SLC4A4: variants seen among roughly 807,000 people sequenced by gnomAD.
SLC4A4 encodes the protein solute carrier family 4 member 4.
A neutral mutation model predicts 111.5 loss-of-function variants in SLC4A4; 27 were observed. The observed-to-expected ratio is 0.24, with a 90% CI of 0.18 to 0.33. The LOEUF (loss-of-function observed/expected upper bound fraction) is 0.33, where lower values mean the gene tolerates loss of function less well. Ranked by LOEUF, SLC4A4 falls within the 10% of genes least tolerant of loss-of-function variation. SLC4A4 has a pLI of 1.00. For synonymous variants in SLC4A4, 443 were observed against 463.4 expected (o/e 0.96, Z 0.57); for missense variants, 909 against 1,315.5 (o/e 0.69, Z 4.78).
intron 2 of SLC4A4, among the ~76,000 whole-genome samples, chr4:71,164,143 G>A (rs1251047114): frequency 6.6e-6 from 1 of 152,136 alleles, no homozygotes; most frequent in Non-Finnish European, 1.5e-5. Flanking sequence ...CATTTTGGGA[G>A]GCCAAGGTGG....
chr4:71,405,692 G>A (rs762282695), intron 7 of SLC4A4, among the ~76,000 whole-genome samples: 15 of 152,128 alleles, frequency 9.9e-5, no homozygotes, highest in African/African-American at 1.4e-4. Context: ...TATTGAATCC[G>A]CCTCCACTGC....
chr4:71,487,135 C>A, intron 15 of SLC4A4, 117 bp downstream of exon 15: 1 of 632,862 alleles, frequency 1.6e-6, no homozygotes, highest in South Asian at 1.9e-5. Flanking sequence ...TGAACACATA[C>A]GTAACAATTA....
At chr4:71,415,417 T>C (rs993752776) in intron 7 of SLC4A4, among the ~76,000 whole-genome samples, 3 of 152,208 alleles carry the variant, frequency 2.0e-5, no homozygotes, top group African/African-American at 7.2e-5. Flanking sequence ...GACTATCTAC[T>C]ATACTATTTC....
At chr4:71,274,707 T>C (rs893649859) in intron 3 of SLC4A4, among the ~76,000 whole-genome samples, 1 of 152,136 alleles carries the variant, frequency 6.6e-6, no homozygotes, top group Non-Finnish European at 1.5e-5. Context: ...AGCTGTGCCT[T>C]TTACTAGCTC....
chr4:71,078,888 T>A (rs1449568409), intron 1 of SLC4A4, among the ~76,000 whole-genome samples: 1 of 151,960 alleles, frequency 6.6e-6, no homozygotes, highest in Non-Finnish European at 1.5e-5. Flanking sequence ...GCATGATCTC[T>A]GCTCACTGCA....
intron 7 of SLC4A4, among the ~76,000 whole-genome samples, chr4:71,433,160 C>T (rs892177416): frequency 6.6e-6 from 1 of 151,944 alleles, no homozygotes; most frequent in South Asian, 2.1e-4. Context: ...CAAAACCTCA[C>T]ACAACTTCCT....
chr4:71,451,435 A>G, intron 11 of SLC4A4, 134 bp downstream of exon 11: 1 of 719,546 alleles, frequency 1.4e-6, no homozygotes, highest in South Asian at 1.5e-5. Flanking sequence ...CCTATTTGTC[A>G]CAGGCACTGG....
intron 3 of SLC4A4, among the ~76,000 whole-genome samples, chr4:71,322,453 A>G (rs1346474396): frequency 6.6e-6 from 1 of 152,016 alleles, no homozygotes; most frequent in African/African-American, 2.4e-5. Flanking sequence ...TATTGGAGCT[A>G]TATATTTAGC....
rs73828137 is a variant in SLC4A4 at position 71,391,687 on chromosome 4, G to A, written c.731-5890G>A. Among the ~76,000 whole-genome samples, 1,167 of 152,022 alleles carry A rather than the reference G, an allele frequency of 7.7e-3. 15 individuals are homozygous for A. The highest frequency in any genetic ancestry group is 0.025 in the African/African-American group (1,027 of 41,522). ...AAATAGTGATATGGAAATTAATTAT[G>A]ATTATGCACTTGAGACTGGTTCTTC... On this transcript the variant is annotated intron_variant, in intron 6 of 25. Transcript: ENST00000264485.
chr4:71,253,439 A>G (rs1360769803), intron 2 of SLC4A4, among the ~76,000 whole-genome samples: 1 of 152,168 alleles, frequency 6.6e-6, no homozygotes, highest in African/African-American at 2.4e-5. Flanking sequence ...CATATTTAAT[A>G]AGGTGAATAG....
rs536994775 is a variant in SLC4A4 at position 71,547,768 on chromosome 4, T to C, written c.2694+48T>C. 25 of 1,441,692 alleles carry C rather than the reference T, an allele frequency of 1.7e-5. 1 individual carries two copies. In the South Asian group the frequency reaches 2.7e-4, roughly 16 times the overall value. 89.3% of individuals were successfully genotyped at this position (1,441,692 alleles called of 1,614,324 possible). ...TCTTCCTTCTCAGAACACTGACATA[T>C]AATTGGACATGTGAAGAGTGAAATT... is the stretch of plus-strand genomic sequence containing the variant. On this transcript the variant is annotated intron_variant, in intron 20 of 25. Transcript: ENST00000264485.
chr4:71,374,340 C>T (rs1578949544), intron 6 of SLC4A4, among the ~76,000 whole-genome samples: 1 of 152,276 alleles, frequency 6.6e-6, no homozygotes, highest in East Asian at 1.9e-4. Flanking sequence ...CCAAGTACAA[C>T]TTTAAAAATT....
At chr4:71,239,316 A>G (rs1720027187) in intron 2 of SLC4A4, among the ~76,000 whole-genome samples, 1 of 152,206 alleles carries the variant, frequency 6.6e-6, no homozygotes, top group African/African-American at 2.4e-5. Flanking sequence ...TGTACTCCCA[A>G]TAAGTGATTA....
Position 71,286,854 on chromosome 4 carries a change from TTC to T in SLC4A4, c.253+31463_253+31464del, listed in dbSNP as rs372659638. On this transcript the variant is annotated intron_variant, in intron 3 of 25. Transcript: ENST00000264485. Reference sequence around the variant, plus strand: ...ACTATGTTGTACATTCTGAAATTCATTCTCTCTCTGAATCTTTATAAAACACT... The same window carrying T: ...ACTATGTTGTACATTCTGAAATTCATTCTCTCTGAATCTTTATAAAACACT... Among the ~76,000 whole-genome samples the T allele has an allele frequency of 3.3e-5, 5 of 152,346 alleles. No individual in the cohort carries two copies. In the South Asian group the frequency reaches 8.3e-4, roughly 25 times the overall value.
At chr4:71,268,937 CCTAA>C (rs1179354893) in intron 3 of SLC4A4, among the ~76,000 whole-genome samples, 2 of 152,172 alleles carry the variant, frequency 1.3e-5, no homozygotes, top group African/African-American at 4.8e-5. Context: ...TACACAGAAC[CCTAA>C]CTGTTCCATA....
At chr4:71,371,187 A>G (rs1197744364) in intron 6 of SLC4A4, among the ~76,000 whole-genome samples, 1 of 150,036 alleles carries the variant, frequency 6.7e-6, no homozygotes, top group East Asian at 2.0e-4. Context: ...TTTGTCCTAT[A>G]TCATGGAAAA....
chr4:71,389,058 A>G (rs568584456), intron 6 of SLC4A4, among the ~76,000 whole-genome samples: 2 of 152,338 alleles, frequency 1.3e-5, no homozygotes, highest in Non-Finnish European at 2.9e-5. Context: ...AAATTAAAAA[A>G]CAGGAATGAA....
In SLC4A4 at chr4:71,073,300, C is replaced by T. The variant is rs1199739496; in HGVS notation, c.-65+10512C>T. ...CAGTTTCATTGGCTACTATCTTTTC[C>T]AGAGCAATGTTAGATAATAATGGTG... On this transcript the variant is annotated intron_variant, in intron 1 of 26. Transcript: ENST00000649996. 2.0e-5 allele frequency among the ~76,000 whole-genome samples: 3 copies of T among 152,108 alleles called. No individual in the cohort carries two copies. The East Asian group carries it at 5.8e-4, about 29-fold the overall frequency.
At chr4:71,504,666 G>A (rs916555100) in intron 16 of SLC4A4, among the ~76,000 whole-genome samples, 1 of 51,620 alleles carries the variant, frequency 1.9e-5, no homozygotes, top group East Asian at 1.8e-3. Context: ...TGTTTCATGG[G>A]GGGGGGGGTG....
Sources: gnomAD v4.1 joint callset for allele counts (sites outside exome capture counted in the v4.1 genomes callset) on GRCh38, gnomAD v4.1.1 for gene constraint, MANE v1.5 for transcripts, NCBI Gene and HGNC (gene_info 2026-07-23, HGNC 2026-07-21) for gene names.